Variants in ARHGEF2 observed in about 807,000 individuals in gnomAD.
ARHGEF2 encodes Rho/Rac guanine nucleotide exchange factor 2.
ARHGEF2 carries 22 observed loss-of-function variants against 121.0 expected under a neutral mutation model. The observed-to-expected ratio is 0.18, with a 90% CI of 0.13 to 0.26. The LOEUF is 0.26. Ranked by LOEUF, ARHGEF2 falls within the 10% of genes least tolerant of loss-of-function variation. The pLI is 1.00. For synonymous variants in ARHGEF2, 487 were observed against 530.0 expected (o/e 0.92, Z 1.11); for missense variants, 907 against 1,336.0 (o/e 0.68, Z 5.01).
Position 155,950,164 on chromosome 1 carries a change from G to T in ARHGEF2, c.2887+135C>A, listed in dbSNP as rs1003776220. The T allele has an allele frequency of 9.0e-7, 1 of 1,108,266 alleles. No homozygotes were observed. Among genetic ancestry groups the T allele is most frequent in the Non-Finnish European group, 1.3e-6 (1 of 776,038 alleles). The allele number at this position is 1,108,266 out of a possible 1,614,324, so 68.7% of individuals were successfully genotyped here. A position where few individuals can be genotyped will look rare whatever the true frequency, so the allele number is the denominator to read the frequency against. ...GACTTCCACCACCCATTCATCATCA[G>T]ACAAAACAGGAAGTCCCTCCCTAGA... On this transcript the variant is annotated intron_variant, in intron 21 of 21. Coordinates refer to ENST00000361247, the MANE Select transcript of ARHGEF2 (RefSeq NM_001162383.2). The surrounding 1 kb of genome is among the most constrained non-coding windows in gnomAD (Gnocchi z 5.2).
At position 155,959,388 on chromosome 1, in the gene ARHGEF2, A is replaced by T. The variant is rs896868149; in HGVS notation, c.1469-992T>A. ...CTCAGCCTCCTGAGCAGCTGGGATT[A>T]AGGAGCACGCCACAACACCTGGCTA... On this transcript the variant is annotated intron_variant, in intron 11 of 21. Transcript: ENST00000361247. 3.9e-5 allele frequency among the ~76,000 whole-genome samples: 6 copies of T among 152,046 alleles called. No homozygotes were observed. The South Asian group carries it at 1.2e-3, about 32-fold the overall frequency.
intron 1 of ARHGEF2, among the ~76,000 whole-genome samples, chr1:155,977,883 C>G (rs1164204448): frequency 2.0e-5 from 3 of 152,216 alleles, no homozygotes; most frequent in South Asian, 2.1e-4. Flanking sequence ...GAAACCACCC[C>G]CTCCCGTCCC....
chr1:155,978,451 G>A lies in ARHGEF2; in HGVS notation c.-24C>T, dbSNP rs1215285804. On this transcript the variant is annotated 5_prime_UTR_variant, in exon 1 of 22. Transcript: ENST00000361247. This position sits in a 1 kb window ranked among gnomAD's most constrained non-coding sequence, Gnocchi z 4.1. ...ATAATCGGACGGGGGGACCAGGGAG[G>A]ACGCGGCGCGGACCCCGGCGTCCTG... The A allele has an allele frequency of 1.2e-5, 17 of 1,462,854 alleles. No individual in the cohort carries two copies. Among genetic ancestry groups the A allele is most frequent in the Non-Finnish European group, 1.5e-5 (16 of 1,091,270 alleles). 90.6% of individuals were successfully genotyped at this position (1,462,854 alleles called of 1,614,324 possible). A position where few individuals can be genotyped will look rare whatever the true frequency, so the allele number is the denominator to read the frequency against.
chr1:155,963,312 A>ACTG, intron 7 of ARHGEF2, 129 bp from the exon 8 acceptor site: 1 of 690,718 alleles, frequency 1.4e-6, no homozygotes. Flanking sequence ...CTGCATTATT[A>ACTG]TGATCTTAGA....
At position 155,951,965 on chromosome 1, in the gene ARHGEF2, T is replaced by C; in HGVS notation, c.2126A>G (p.Asn709Ser). Residue 709 changes from asparagine to serine, a missense_variant, in exon 17 of 22, where the codon AAT (asparagine) becomes AGT (serine). Asn to Ser is a conservative substitution (Grantham distance 46, BLOSUM62 1). Coordinates refer to ENST00000361247, the MANE Select transcript of ARHGEF2 (RefSeq NM_001162383.2). This position sits in a 1 kb window ranked among gnomAD's most constrained non-coding sequence, Gnocchi z 5.1. ...VTANGEARTF[N>S]GSIELCRADS... ...AGCTCTGCAGAGTTCAATGGAGCCA[T>C]TGAAGGTTCTGGCCTCACCATCTGT... 6.2e-7 allele frequency: 1 copy of C among 1,614,096 alleles called. No individual in the cohort carries two copies. The highest frequency in any genetic ancestry group is 8.5e-7 in the Non-Finnish European group (1 of 1,180,004).
chr1:155,966,549 GGACAGGAGCTA>G, intron 3 of ARHGEF2, 70 bp from the exon 4 acceptor site: 1 of 1,561,258 alleles, frequency 6.4e-7, no homozygotes, highest in East Asian at 2.3e-5. Flanking sequence ...CAGAGGCATG[GGACAGGAGCTA>G]GGTGGCCGGC....
intron 1 of ARHGEF2, among the ~76,000 whole-genome samples, chr1:155,975,399 T>A (rs1370146016): frequency 6.6e-6 from 1 of 152,028 alleles, no homozygotes; most frequent in African/African-American, 2.4e-5. Context: ...TAGGTCCTTC[T>A]CTAGGCCCCA....
chr1:155,952,696 C>A lies in ARHGEF2; in HGVS notation c.1916G>T (p.Gly639Val). Residue 639 changes from glycine (G) to valine (V), a missense_variant, in exon 15 of 22, where the codon GGC becomes GTC. This residue lies in a region of ARHGEF2 where 432 missense variants were observed against 559.5 expected (regional missense o/e 0.77). Transcript: ENST00000361247. Reference protein sequence around the residue: ...SGMALPTLPRGLFRSESLESP... With the variant: ...SGMALPTLPRVLFRSESLESP... ...CTCAAGGGACTCAGAGCGGAAAAGGCCCCTGGGCAGGGTGGGCAGGGCCAT... is the reference window on the plus strand; with the variant it reads ...CTCAAGGGACTCAGAGCGGAAAAGGACCCTGGGCAGGGTGGGCAGGGCCAT... 1 of 1,614,224 alleles carries A rather than the reference C, an allele frequency of 6.2e-7. No individual in the cohort carries two copies. The highest frequency in any genetic ancestry group is 8.5e-7 in the Non-Finnish European group (1 of 1,180,026).
rs1013309609 is a variant in ARHGEF2, at chr1:155,954,804, G to A, written c.1783+98C>T. ...ATGTTTCAGTTGTGGATCTACACCA[G>A]CCCTCATAGAGCCATCTCATCTTTT... On this transcript the variant is annotated intron_variant, in intron 14 of 21. Transcript: ENST00000361247. 3.5e-6 allele frequency: 4 copies of A among 1,149,720 alleles called. No individual in the cohort carries two copies. The African/African-American group carries it at 6.1e-5, about 18-fold the overall frequency. 71.2% of individuals were successfully genotyped at this position (1,149,720 alleles called of 1,614,324 possible). A position where few individuals can be genotyped will look rare whatever the true frequency, so the allele number is the denominator to read the frequency against.
At chr1:155,963,725 G>A (rs990244540) in intron 7 of ARHGEF2, among the ~76,000 whole-genome samples, 1 of 151,652 alleles carries the variant, frequency 6.6e-6, no homozygotes, top group Non-Finnish European at 1.5e-5. Flanking sequence ...AGGCTGGAGT[G>A]TAGTGGCACA....
At chr1:155,974,855 G>C (rs937283469) in intron 1 of ARHGEF2, among the ~76,000 whole-genome samples, 7 of 151,644 alleles carry the variant, frequency 4.6e-5, no homozygotes, top group African/African-American at 1.5e-4. Flanking sequence ...GAAAGAGAGG[G>C]GGGGTAAGCG....
chr1:155,958,469 A>G, intron 11 of ARHGEF2, 73 bp from the exon 12 acceptor site: 2 of 1,256,436 alleles, frequency 1.6e-6, no homozygotes, highest in Non-Finnish European at 2.3e-6. Flanking sequence ...TTTCCCAAGG[A>G]CCAGGCTTAT....
At chr1:155,959,352 G>A (rs1362487958) in intron 11 of ARHGEF2, among the ~76,000 whole-genome samples, 4 of 152,062 alleles carry the variant, frequency 2.6e-5, no homozygotes, top group Non-Finnish European at 4.4e-5. Context: ...AGGAAAAAGC[G>A]ATTCTCCTGC....
Position 155,946,900 on chromosome 1 carries a change from C to CA in ARHGEF2, c.*1041dup, listed in dbSNP as rs1674517383. Reference sequence around the variant, plus strand: ...TTCCCTGAATTTTTTTTTTAAACAACAAAATTGGCAAGAAGAAAATTCTTC... The same window carrying CA: ...TTCCCTGAATTTTTTTTTTAAACAACAAAAATTGGCAAGAAGAAAATTCTTC... On this transcript the variant is annotated 3_prime_UTR_variant, in exon 22 of 22. Coordinates refer to ENST00000361247, the MANE Select transcript of ARHGEF2 (RefSeq NM_001162383.2). 1 of 153,034 alleles carries CA rather than the reference C, an allele frequency of 6.5e-6. No homozygotes were observed. The highest frequency in any genetic ancestry group is 1.5e-5 in the Non-Finnish European group (1 of 68,802). The allele number at this position is 153,034 out of a possible 1,614,324, so 9.5% of individuals were successfully genotyped here. A position where few individuals can be genotyped will look rare whatever the true frequency, so the allele number is the denominator to read the frequency against.
chr1:155,974,343 G>A (rs748436284), intron 1 of ARHGEF2, among the ~76,000 whole-genome samples: 5 of 152,168 alleles, frequency 3.3e-5, no homozygotes, highest in South Asian at 4.1e-4. Context: ...AATAGTGACC[G>A]GAGAGCCTGT....
rs1261662238 is a variant in ARHGEF2 at position 155,962,766 on chromosome 1, A to G, written c.976-48T>C. On this transcript the variant is annotated intron_variant, in intron 8 of 21. Coordinates refer to ENST00000361247, the MANE Select transcript of ARHGEF2 (RefSeq NM_001162383.2). This position sits in a 1 kb window ranked among gnomAD's most constrained non-coding sequence, Gnocchi z 5.8. ...TAGGTCAGCATTCCCCCAAAGCCAC[A>G]CTTTACCCACTGGACACACCTCTGG... 1.2e-6 allele frequency: 2 copies of G among 1,611,508 alleles called. No homozygotes were observed. The highest frequency in any genetic ancestry group is 8.5e-7 in the Non-Finnish European group (1 of 1,178,594).
At position 155,958,313 on chromosome 1, in the gene ARHGEF2, G is replaced by T. The variant is rs1480478372; in HGVS notation, c.1545+7C>A. The T allele has an allele frequency of 1.2e-6, 2 of 1,608,666 alleles. No homozygotes were observed. Among genetic ancestry groups the T allele is most frequent in the Non-Finnish European group, 8.5e-7 (1 of 1,175,142 alleles). ...GTGCTGAGAAAGGTGAAGAATGAAT[G>T]TCTCACCAGGGTAGGAAAGATGTAC... On this transcript the variant is annotated splice_region_variant and intron_variant, in intron 12 of 21. Coordinates refer to ENST00000361247, the MANE Select transcript of ARHGEF2 (RefSeq NM_001162383.2).
chr1:155,949,015 A>G (rs1347603698), intron 21 of ARHGEF2, among the ~76,000 whole-genome samples: 1 of 152,094 alleles, frequency 6.6e-6, no homozygotes, highest in Non-Finnish European at 1.5e-5. Flanking sequence ...TGGGAGGCCA[A>G]TGTGGGTGAA....
At position 155,948,011 on chromosome 1, in the gene ARHGEF2, A is replaced by G. The variant is rs189821195; in HGVS notation, c.2892T>C (p.Phe964=). 2.4e-5 allele frequency: 38 copies of G among 1,551,236 alleles called. No homozygotes were observed. The East Asian group carries it at 8.8e-4, about 36-fold the overall frequency. The change falls in exon 22 of 22, where the codon TTT becomes TTC. Residue 964 remains phenylalanine, a synonymous_variant. Transcript: ENST00000361247. ...CCTCCGGGATGTCCTGCATTCTGGT[A>G]AAGTCTGAAGGGGGACAGGACAAAG... The part of the protein sequence containing the change: ...RLSPPHSPRD[F]TRMQDIPEET...
Sources: gnomAD v4.1 joint callset for allele counts (sites outside exome capture counted in the v4.1 genomes callset) on GRCh38, gnomAD v4.1.1 for gene constraint, gnomAD v4.1.1 regional missense constraint, Gnocchi (gnomAD v3.1) non-coding constraint, MANE v1.5 for transcripts, NCBI Gene and HGNC (gene_info 2026-07-23, HGNC 2026-07-21) for gene names.